Variants in AKAP12 observed in about 807,000 individuals in gnomAD.
AKAP12 encodes the protein A-kinase anchoring protein 12.
In AKAP12, 32 loss-of-function variants were observed where a neutral mutation model predicts 79.9. The ratio of observed to expected loss-of-function variants is 0.40; its 90% CI spans 0.30 to 0.54. AKAP12 has a LOEUF of 0.54. Among genes scored for constraint, AKAP12 ranks in the 20% least tolerant of loss-of-function variants. The pLI is 0.48. For missense variants in AKAP12, 2,074 were observed against 2,177.0 expected (o/e 0.95, Z 0.94); for synonymous variants, 808 against 857.0 (o/e 0.94, Z 1.00).
chr6:151,355,522 C>T (rs918983416), intron 4 of AKAP12, among the ~76,000 whole-genome samples: 1 of 151,418 alleles, frequency 6.6e-6, no homozygotes, highest in African/African-American at 2.4e-5. Context: ...AGGATGGTCT[C>T]GATCTCTTTA....
chr6:151,345,483 A>G (rs1479927523), intron 3 of AKAP12, among the ~76,000 whole-genome samples: 3 of 151,938 alleles, frequency 2.0e-5, no homozygotes, highest in Admixed American at 6.6e-5. Flanking sequence ...TAGTACAAAA[A>G]TCGATATATG....
At chr6:151,316,655 C>T (rs544787764) in intron 3 of AKAP12, among the ~76,000 whole-genome samples, 3 of 152,160 alleles carry the variant, frequency 2.0e-5, no homozygotes, top group East Asian at 1.9e-4. Context: ...TTTTGAGACA[C>T]GGTATCGCTC....
At chr6:151,321,903 G>GTTTTTTTTTTTTTTTTTTTTTTTTTTTT in intron 3 of AKAP12, among the ~76,000 whole-genome samples, 1 of 67,356 alleles carries the variant, frequency 1.5e-5, no homozygotes, top group African/African-American at 6.2e-5. Context: ...TCAGCTTTAT[G>GTTTTTTTTTTTTTTTTTTTTTTTTTTTT]TTTTTTTTTT....
intron 2 of AKAP12, among the ~76,000 whole-genome samples, chr6:151,279,653 G>T (rs1469792480): frequency 6.6e-6 from 1 of 151,942 alleles, no homozygotes; most frequent in Non-Finnish European, 1.5e-5. Context: ...TGCTCGGTGA[G>T]GCATTTAAAT....
chr6:151,328,024 A>C (rs1243061020), intron 3 of AKAP12, among the ~76,000 whole-genome samples: 6 of 152,198 alleles, frequency 3.9e-5, no homozygotes, highest in Admixed American at 3.9e-4. Flanking sequence ...AAGCCATGAG[A>C]GCTTTAAAAA....
chr6:151,327,964 T>TG (rs1443810128), intron 3 of AKAP12, among the ~76,000 whole-genome samples: 29 of 152,338 alleles, frequency 1.9e-4, no homozygotes, highest in African/African-American at 6.0e-4. Flanking sequence ...GTTATTCTGA[T>TG]GGGGAAGATT....
At chr6:151,272,506 G>GATAA (rs944537793) in intron 2 of AKAP12, among the ~76,000 whole-genome samples, 19 of 149,036 alleles carry the variant, frequency 1.3e-4, no homozygotes. Context: ...TAGATAGATA[G>GATAA]ATAGATAGAT....
At chr6:151,293,196 T>C (rs1483833354) in intron 2 of AKAP12, among the ~76,000 whole-genome samples, 1 of 152,208 alleles carries the variant, frequency 6.6e-6, no homozygotes, top group African/African-American at 2.4e-5. Flanking sequence ...TACTACCAAA[T>C]GAGGATTCTT....
chr6:151,314,682 T>C (rs1228856472), intron 3 of AKAP12, among the ~76,000 whole-genome samples: 2 of 152,298 alleles, frequency 1.3e-5, no homozygotes, highest in East Asian at 1.9e-4. Flanking sequence ...CACTTTCAAA[T>C]TGGGTCCATG....
At chr6:151,262,325 T>C (rs1307748210) in intron 2 of AKAP12, among the ~76,000 whole-genome samples, 1 of 152,232 alleles carries the variant, frequency 6.6e-6, no homozygotes, top group Non-Finnish European at 1.5e-5. Flanking sequence ...TCAGTGCATG[T>C]AGTAATAAAT....
intron 2 of AKAP12, among the ~76,000 whole-genome samples, chr6:151,267,793 A>AG (rs1368558886): frequency 6.6e-6 from 1 of 152,234 alleles, no homozygotes; most frequent in Non-Finnish European, 1.5e-5. Flanking sequence ...TAGGCAAAAA[A>AG]TAGCAGGGAT....
At chr6:151,343,591 C>T (rs961383624) in intron 3 of AKAP12, among the ~76,000 whole-genome samples, 1 of 152,124 alleles carries the variant, frequency 6.6e-6, no homozygotes, top group Non-Finnish European at 1.5e-5. Flanking sequence ...TGAAACCAGC[C>T]TGGCCAACAT....
intron 2 of AKAP12, among the ~76,000 whole-genome samples, chr6:151,273,643 A>G (rs1395261980): frequency 6.6e-6 from 1 of 152,230 alleles, no homozygotes; most frequent in Non-Finnish European, 1.5e-5. Context: ...AAACTTAAGG[A>G]AAGAGACCTC....
rs1562743286 is a variant in AKAP12 at position 151,332,042 on chromosome 6, T to TTTGTTTTG, written c.320-16667_320-16666insGTTTTGTT. ...GTCCAGTTCTGGGTCTGTTTTTTTT[T>TTTGTTTTG]TTTTTTTTTTTTGAGACAGTCTCGC... On this transcript the variant is annotated intron_variant, in intron 3 of 4. Transcript: ENST00000402676. Among the ~76,000 whole-genome samples, 159 of 51,050 alleles carry TTTGTTTTG rather than the reference T, an allele frequency of 3.1e-3. 1 individual carries two copies. The African/African-American group carries it at 0.044, about 14-fold the overall frequency. 33.5% of individuals were successfully genotyped at this position (51,050 alleles called of 152,430 possible). A position where few individuals can be genotyped will look rare whatever the true frequency, so the allele number is the denominator to read the frequency against.
At chr6:151,325,707 C>T in intron 3 of AKAP12, 1 of 1,473,902 alleles carries the variant, frequency 6.8e-7, no homozygotes, top group Non-Finnish European at 9.0e-7. Context: ...GAGGGCACCT[C>T]CGGTTCTCCC....
chr6:151,290,795 A>T (rs1430471079), intron 2 of AKAP12, among the ~76,000 whole-genome samples: 6 of 152,114 alleles, frequency 3.9e-5, no homozygotes, highest in African/African-American at 1.4e-4. Flanking sequence ...TTTTTAGTAG[A>T]GACGGGGTTT....
chr6:151,254,144 A>G (rs922440316), intron 2 of AKAP12, among the ~76,000 whole-genome samples: 40 of 152,242 alleles, frequency 2.6e-4, no homozygotes, highest in African/African-American at 9.4e-4. Context: ...GCAGTGGAAC[A>G]TGTCACTACA....
At chr6:151,302,008 CT>C (rs1215878834) in intron 2 of AKAP12, among the ~76,000 whole-genome samples, 14 of 145,574 alleles carry the variant, frequency 9.6e-5, no homozygotes, top group African/African-American at 2.3e-4. Context: ...TGTAACATCT[CT>C]TTTTTTTTTC....
chr6:151,324,677 A>G (rs1777480154), intron 3 of AKAP12: 1 of 985,104 alleles, frequency 1.0e-6, no homozygotes, highest in Admixed American at 6.2e-5. Flanking sequence ...CAGGCAAGGC[A>G]TGAAGTGATA....
Sources: gnomAD v4.1 joint callset for allele counts (sites outside exome capture counted in the v4.1 genomes callset) on GRCh38, gnomAD v4.1.1 for gene constraint, MANE v1.5 for transcripts, NCBI Gene and HGNC (gene_info 2026-07-23, HGNC 2026-07-21) for gene names.